The following NSMCE2 variants were observed in gnomAD, a reference collection of about 807,000 sequenced individuals.
NSMCE2 encodes E3 SUMO-protein ligase NSE2.
In NSMCE2, 24 loss-of-function variants were observed where a neutral mutation model predicts 23.8. The observed-to-expected ratio is 1.01, with a 90% CI of 0.73 to 1.42. The LOEUF is 1.42. NSMCE2 is among the 40% of genes most tolerant of loss of function. The probability of loss-of-function intolerance (pLI) is 0.00; values close to 1 mark genes in which losing one functional copy is unlikely to be tolerated. For missense variants in NSMCE2, 284 were observed against 296.5 expected (o/e 0.96, Z 0.31); for synonymous variants, 92 against 94.1 (o/e 0.98, Z 0.13).
chr8:125,349,936 C>G (rs1458988999), intron 5 of NSMCE2, among the ~76,000 whole-genome samples: 2 of 152,206 alleles, frequency 1.3e-5, no homozygotes, highest in African/African-American at 4.8e-5. Flanking sequence ...ATAAAATCAT[C>G]ATTGTGTGAG....
chr8:125,227,827 T>G (rs1825166427), intron 5 of NSMCE2, among the ~76,000 whole-genome samples: 1 of 152,234 alleles, frequency 6.6e-6, no homozygotes. Context: ...AGTCTTTTTT[T>G]TCTGTAAACT....
chr8:125,242,936 T>C (rs1825814271), intron 5 of NSMCE2, among the ~76,000 whole-genome samples: 1 of 152,142 alleles, frequency 6.6e-6, no homozygotes. Context: ...TTTTTTTTCT[T>C]TTGCTGGAAC....
chr8:125,148,739 A>G (rs1820818912), intron 3 of NSMCE2, among the ~76,000 whole-genome samples: 2 of 152,234 alleles, frequency 1.3e-5, no homozygotes, highest in South Asian at 4.1e-4. Context: ...AAACAAAACA[A>G]TACTTTCCTT....
chr8:125,359,140 G>A (rs189030973), intron 7 of NSMCE2, among the ~76,000 whole-genome samples: 168 of 151,516 alleles, frequency 1.1e-3, no homozygotes, highest in African/African-American at 3.7e-3. Flanking sequence ...GGTGGCAGGC[G>A]CCTACAGTCC....
chr8:125,232,133 C>T (rs963898151), intron 5 of NSMCE2, among the ~76,000 whole-genome samples: 5 of 151,906 alleles, frequency 3.3e-5, no homozygotes, highest in South Asian at 2.1e-4. Context: ...AGGCTGAGGC[C>T]GGTGGATCAC....
chr8:125,185,752 G>C (rs781100444), intron 5 of NSMCE2, among the ~76,000 whole-genome samples: 12 of 152,266 alleles, frequency 7.9e-5, no homozygotes, highest in Middle Eastern at 3.4e-3. Context: ...AATATAAACA[G>C]TATTTGATAT....
chr8:125,366,197 A>G (rs945911326), intron 7 of NSMCE2, among the ~76,000 whole-genome samples: 1 of 152,178 alleles, frequency 6.6e-6, no homozygotes, highest in African/African-American at 2.4e-5. Flanking sequence ...CTGAACTTGC[A>G]GCAAGCATTT....
At chr8:125,171,698 C>CT (rs760217358) in intron 4 of NSMCE2, among the ~76,000 whole-genome samples, 5 of 151,710 alleles carry the variant, frequency 3.3e-5, no homozygotes, top group Non-Finnish European at 5.9e-5. Flanking sequence ...CTGGCTACAT[C>CT]TTAAACTTGC....
intron 5 of NSMCE2, among the ~76,000 whole-genome samples, chr8:125,299,083 C>T (rs1828449493): frequency 6.6e-6 from 1 of 152,146 alleles, no homozygotes; most frequent in Non-Finnish European, 1.5e-5. Flanking sequence ...TTGATAACTC[C>T]TTTACTGTGA....
At position 125,098,420 on chromosome 8, in the gene NSMCE2, A is replaced by C. The variant is rs148856087; in HGVS notation, c.-110-3631A>C. ...TGGCCATTACTCCCGGTGAGTCAGG[A>C]AGTCCTTAGGAGTTTTTGAGCAGAG... On this transcript the variant is annotated intron_variant, in intron 1 of 7. Coordinates refer to ENST00000287437, the MANE Select transcript of NSMCE2 (RefSeq NM_173685.4). Among the ~76,000 whole-genome samples, 17 of 152,256 alleles carry C rather than the reference A, an allele frequency of 1.1e-4. No homozygotes were observed. In the East Asian group the frequency reaches 3.1e-3, roughly 28 times the overall value.
At chr8:125,228,712 G>A (rs1182829135) in intron 5 of NSMCE2, among the ~76,000 whole-genome samples, 1 of 152,196 alleles carries the variant, frequency 6.6e-6, no homozygotes, top group African/African-American at 2.4e-5. Context: ...GTGGTCAAGT[G>A]TAAAGGGGGT....
chr8:125,169,543 C>T (rs1299102449), intron 4 of NSMCE2, among the ~76,000 whole-genome samples: 1 of 152,150 alleles, frequency 6.6e-6, no homozygotes, highest in South Asian at 2.1e-4. Flanking sequence ...GTCCTTACTT[C>T]CCCTACTTAG....
At chr8:125,318,338 G>A (rs1281729855) in intron 5 of NSMCE2, among the ~76,000 whole-genome samples, 1 of 152,174 alleles carries the variant, frequency 6.6e-6, no homozygotes, top group Admixed American at 6.5e-5. Flanking sequence ...AGGAGGTTGA[G>A]TTCTTGGTAA....
intron 4 of NSMCE2, among the ~76,000 whole-genome samples, chr8:125,167,070 A>G (rs1462367044): frequency 1.3e-5 from 2 of 152,122 alleles, no homozygotes; most frequent in East Asian, 3.9e-4. Context: ...TCCCCTCCAC[A>G]TGTACTCTCA....
chr8:125,191,420 T>C (rs558624041), intron 5 of NSMCE2, among the ~76,000 whole-genome samples: 1 of 152,038 alleles, frequency 6.6e-6, no homozygotes, highest in African/African-American at 2.4e-5. Context: ...AAAAAAAAAA[T>C]TGACTTTTAA....
chr8:125,340,019 T>TG (rs1188483643), intron 5 of NSMCE2, among the ~76,000 whole-genome samples: 1 of 141,054 alleles, frequency 7.1e-6, no homozygotes, highest in Non-Finnish European at 1.5e-5. Flanking sequence ...TTTGTTTTTT[T>TG]TTTTTTTTTT....
intron 5 of NSMCE2, among the ~76,000 whole-genome samples, chr8:125,349,994 G>A (rs1281502715): frequency 6.6e-6 from 1 of 152,208 alleles, no homozygotes; most frequent in Non-Finnish European, 1.5e-5. Context: ...TATGTTAAGT[G>A]TAATCTTGTG....
At chr8:125,174,493 A>C (rs1481346429) in intron 4 of NSMCE2, among the ~76,000 whole-genome samples, 1 of 152,172 alleles carries the variant, frequency 6.6e-6, no homozygotes, top group East Asian at 1.9e-4. Context: ...TATAGTGGGC[A>C]TGGTGCCATG....
At chr8:125,169,047 A>G (rs1822038457) in intron 4 of NSMCE2, among the ~76,000 whole-genome samples, 1 of 152,198 alleles carries the variant, frequency 6.6e-6, no homozygotes, top group Non-Finnish European at 1.5e-5. Flanking sequence ...AATATTGTTC[A>G]GTTGTTCTCT....
Sources: gnomAD v4.1 joint callset for allele counts (sites outside exome capture counted in the v4.1 genomes callset) on GRCh38, gnomAD v4.1.1 for gene constraint, MANE v1.5 for transcripts, NCBI Gene and HGNC (gene_info 2026-07-23, HGNC 2026-07-21) for gene names.